The following IPO4 variants were observed in gnomAD, a reference collection of about 807,000 sequenced individuals.
The protein encoded by IPO4 is importin-4.
Under a neutral mutation model 133.5 loss-of-function variants are expected in IPO4, and 91 were observed. The observed-to-expected ratio is 0.68, with a 90% confidence interval of 0.58 to 0.81. The LOEUF (loss-of-function observed/expected upper bound fraction) is 0.81. Among genes scored for constraint, IPO4 ranks in the 30% least tolerant of loss-of-function variants. The pLI is 0.00. For synonymous variants in IPO4, 607 were observed against 581.6 expected (o/e 1.04, Z -0.63); for missense variants, 1,279 against 1,386.2 (o/e 0.92, Z 1.23).
chr14:24,183,858 T>A lies in IPO4; in HGVS notation c.1910A>T (p.Asp637Val). The A allele has an allele frequency of 6.2e-7, 1 of 1,614,040 alleles. No homozygotes were observed. The highest frequency in any genetic ancestry group is 8.5e-7 in the Non-Finnish European group (1 of 1,180,016). ...DGSSSFLLFD[D>V]ESDGEEEEEL... is the part of the protein sequence containing the mutation. ...CTCCTCTTCTTCCCCATCACTCTCA[T>A]CGTCAAACAGAAGGAAGGAGCTGCT... is the stretch of plus-strand genomic sequence containing the variant. Residue 637 changes from aspartate to valine, a missense_variant, in exon 19 of 30, where the codon GAT becomes GTT. Asp to Val is a radical substitution (Grantham distance 152). Around this residue, in one of 3 missense-constraint regions of IPO4, gnomAD observed 575 missense variants for 653.4 expected, o/e 0.88. Coordinates refer to ENST00000354464, the MANE Select transcript of IPO4 (RefSeq NM_024658.4).
At chr14:24,187,851 A>G (rs749076463) in intron 4 of IPO4, 55 bp from the exon 5 acceptor site, 7 of 1,605,280 alleles carry the variant, frequency 4.4e-6, no homozygotes, top group East Asian at 2.2e-5. Flanking sequence ...CTCTGCACAC[A>G]GTGGCCAGGC....
chr14:24,183,344 C>G lies in IPO4; in HGVS notation c.2133G>C (p.Leu711=), dbSNP rs1415432879. The change falls in exon 22 of 30, where the codon CTG becomes CTC. Residue 711 remains leucine (L), a synonymous_variant. Coordinates refer to ENST00000354464, the MANE Select transcript of IPO4 (RefSeq NM_024658.4). ...EVFKLLECPH[L]NVRKAAHEAL... Reference sequence around the variant, plus strand: ...CCTCATGGGCTGCCTTCCGCACATTCAGGTGAGGGCACTGCAGGATGAGGA... The same window carrying G: ...CCTCATGGGCTGCCTTCCGCACATTGAGGTGAGGGCACTGCAGGATGAGGA... 2.5e-6 allele frequency: 4 copies of G among 1,609,878 alleles called. No homozygotes were observed. Among genetic ancestry groups the G allele is most frequent in the Non-Finnish European group, 2.5e-6 (3 of 1,177,906 alleles).
rs536271889 is a variant in IPO4, at chr14:24,181,941, C to T, written c.2807+14G>A. 4.7e-5 allele frequency: 75 copies of T among 1,609,634 alleles called. 2 individuals are homozygous for T. Among genetic ancestry groups the T allele is most frequent in the South Asian group, 2.7e-4 (25 of 91,082 alleles). ...CCAACCTCCAGTCCCTCCCGTCCTG[C>T]GAGCCAAGGATACTCCTGGGCAGGG... On this transcript the variant is annotated intron_variant, in intron 26 of 29. Coordinates refer to ENST00000354464, the MANE Select transcript of IPO4 (RefSeq NM_024658.4).
At position 24,185,277 on chromosome 14, in the gene IPO4, T is replaced by C. The variant is rs201650360; in HGVS notation, c.1314A>G (p.Pro438=). 1.2e-6 allele frequency: 2 copies of C among 1,614,140 alleles called. No homozygotes were observed. The highest frequency in any genetic ancestry group is 1.7e-6 in the Non-Finnish European group (2 of 1,180,032). Residue 438 remains proline, a synonymous_variant, in exon 14 of 30, where the codon CCA becomes CCG. Transcript: ENST00000354464. ...HISSYSREVM[P]LLLAYLKSVP... is the part of the protein sequence containing the mutation. Reference sequence around the variant, plus strand: ...CCGACTTCAAGTAGGCGAGGAGCAGTGGCATTACCTCCCTTGAATAGCTGC... The same window carrying C: ...CCGACTTCAAGTAGGCGAGGAGCAGCGGCATTACCTCCCTTGAATAGCTGC...
At position 24,184,105 on chromosome 14, in the gene IPO4, T is replaced by A; in HGVS notation, c.1762A>T (p.Ser588Cys). ...AGACCCGATAAGGCTGCAAATAGGC[T>A]GTACCTGGTCAAAGCAGGCAGAAGA... ...DDPDLRRCTYSLFAALSGLMG... is the reference protein window; with the variant it reads ...DDPDLRRCTYCLFAALSGLMG... The change falls in exon 18 of 30, where the codon AGC becomes TGC. Residue 588 changes from serine to cysteine, a missense_variant. This residue lies in a region of IPO4 where 575 missense variants were observed against 653.4 expected (regional missense o/e 0.88). Coordinates refer to ENST00000354464, the MANE Select transcript of IPO4 (RefSeq NM_024658.4). The A allele has an allele frequency of 4.3e-6, 7 of 1,612,060 alleles. No homozygotes were observed. The highest frequency in any genetic ancestry group is 5.9e-6 in the Non-Finnish European group (7 of 1,179,586).
intron 4 of IPO4, 120 bp downstream of exon 4, chr14:24,188,096 A>T: frequency 9.2e-7 from 1 of 1,083,028 alleles, no homozygotes; most frequent in Non-Finnish European, 1.4e-6. Flanking sequence ...TAAAATCCTC[A>T]CTCCACCTTG....
intron 18 of IPO4, 26 bp downstream of exon 18, chr14:24,183,972 G>GGGGGGCCC: frequency 2.7e-5 from 42 of 1,572,972 alleles, no homozygotes; most frequent in Non-Finnish European, 3.0e-5. Flanking sequence ...GGCAGGCCTG[G>GGGGGGCCC]CCCAGCCCAC....
In IPO4 at chr14:24,187,635, G is replaced by A. The variant is rs776519840; in HGVS notation, c.408+32C>T. The A allele has an allele frequency of 1.9e-6, 3 of 1,613,700 alleles. No individual in the cohort carries two copies. The East Asian group carries it at 6.7e-5, about 36-fold the overall frequency. ...CTTACAAGGTCTATCCAGCCTCTCAGGCCCTCCCTCCTGCCAACCATGTGA... is the reference window on the plus strand; with the variant it reads ...CTTACAAGGTCTATCCAGCCTCTCAAGCCCTCCCTCCTGCCAACCATGTGA... On this transcript the variant is annotated intron_variant, in intron 5 of 29. Coordinates refer to ENST00000354464, the MANE Select transcript of IPO4 (RefSeq NM_024658.4).
chr14:24,184,448 G>A, intron 16 of IPO4, 30 bp from the exon 17 acceptor site: 1 of 1,593,570 alleles, frequency 6.3e-7, no homozygotes, highest in Non-Finnish European at 8.6e-7. Flanking sequence ...ATTAGCACCA[G>A]GAGGTGGAGG....
rs199754985 is a variant in IPO4 at position 24,183,364 on chromosome 14, T to C, written c.2122-9A>G. Reference sequence around the variant, plus strand: ...ACATTCAGGTGAGGGCACTGCAGGATGAGGAGGGGCGGGATATGTCTGCTA... The same window carrying C: ...ACATTCAGGTGAGGGCACTGCAGGACGAGGAGGGGCGGGATATGTCTGCTA... On this transcript the variant is annotated splice_polypyrimidine_tract_variant and intron_variant, in intron 21 of 29. Coordinates refer to ENST00000354464, the MANE Select transcript of IPO4 (RefSeq NM_024658.4). 473 of 1,604,632 alleles carry C rather than the reference T, an allele frequency of 2.9e-4. 2 individuals are homozygous for C. The highest frequency in any genetic ancestry group is 2.9e-3 in the African/African-American group (216 of 74,932).
rs1176497652 is a variant in IPO4, at chr14:24,187,092, A to G, written c.647T>C (p.Ile216Thr). Residue 216 changes from isoleucine (I) to threonine (T), a missense_variant, in exon 7 of 30, where the codon ATA becomes ACA. Physicochemically the swap from Ile to Thr is moderately conservative, Grantham distance 89. Coordinates refer to ENST00000354464, the MANE Select transcript of IPO4 (RefSeq NM_024658.4). ...LIMAMQTLIP[I>T]DEAKACEALE... is the part of the protein sequence containing the mutation. ...CTGCCCACCTGTCCTCACCTCATCT[A>G]TGGGGATCAGAGTCTGCATGGCCAT... 6.2e-7 allele frequency: 1 copy of G among 1,613,880 alleles called. No homozygotes were observed. Among genetic ancestry groups the G allele is most frequent in the African/African-American group, 1.3e-5 (1 of 74,892 alleles).
rs770059939 is a variant in IPO4, at chr14:24,181,958, T to A, written c.2804A>T (p.Gln935Leu). ...CCGTCCTGCGAGCCAAGGATACTCC[T>A]GGGCAGGGTGGCCCCCATGCTCTGC... ...VLAEHGGHPA[Q>L]EHFPKLLGLL... The change falls in exon 26 of 30, where the codon CAG becomes CTG. Residue 935 changes from glutamine (Q) to leucine (L), a missense_variant. Coordinates refer to ENST00000354464, the MANE Select transcript of IPO4 (RefSeq NM_024658.4). 6.2e-7 allele frequency: 1 copy of A among 1,610,884 alleles called. No homozygotes were observed. Among genetic ancestry groups the A allele is most frequent in the East Asian group, 2.2e-5 (1 of 44,870 alleles).
chr14:24,188,469 T>A, intron 2 of IPO4, 46 bp from the exon 3 acceptor site: 1 of 1,609,158 alleles, frequency 6.2e-7, no homozygotes. Context: ...AGGAAGGTGC[T>A]GAGCGGACCG....
Position 24,184,751 on chromosome 14 carries a change from T to C in IPO4, c.1535A>G (p.Gln512Arg), listed in dbSNP as rs373992845. The part of the protein sequence containing the change: ...SALGAIATAA[Q>R]ASLLPYFPAI... Reference sequence around the variant, plus strand: ...AGGGAAGTAGGGCAGCAGCGAGGCCTGGGCAGCCGTAGCTGCAGGATGGAA... The same window carrying C: ...AGGGAAGTAGGGCAGCAGCGAGGCCCGGGCAGCCGTAGCTGCAGGATGGAA... Residue 512 changes from glutamine (Q) to arginine (R), a missense_variant, in exon 16 of 30, where the codon CAG becomes CGG. Physicochemically the swap from Gln to Arg is conservative, Grantham distance 43 (BLOSUM62 1). Coordinates refer to ENST00000354464, the MANE Select transcript of IPO4 (RefSeq NM_024658.4). 272 of 1,611,908 alleles carry C rather than the reference T, an allele frequency of 1.7e-4. 1 individual carries two copies. In the African/African-American group the frequency reaches 3.3e-3, roughly 20 times the overall value.
intron 14 of IPO4, 56 bp from the exon 15 acceptor site, chr14:24,185,036 A>G: frequency 6.3e-7 from 1 of 1,590,720 alleles, no homozygotes; most frequent in Non-Finnish European, 8.6e-7. Context: ...CTGCACGCCC[A>G]CCTCCCTCCA....
In IPO4 at chr14:24,181,706, C is replaced by T. The variant is rs1261113900; in HGVS notation, c.2940+5G>A. ...CAAGCCCTGCCTGATGTCTCCCTCC[C>T]TCACCTGGGGCTCTGGTTTCCTGGT... On this transcript the variant is annotated splice_donor_5th_base_variant and intron_variant, in intron 27 of 29. Transcript: ENST00000354464. The T allele has an allele frequency of 6.2e-7, 1 of 1,605,468 alleles. No homozygotes were observed. Among genetic ancestry groups the T allele is most frequent in the Non-Finnish European group, 8.5e-7 (1 of 1,174,576 alleles).
In IPO4 at chr14:24,182,180, G is replaced by A. The variant is rs780827054; in HGVS notation, c.2599-17C>T. The A allele has an allele frequency of 1.9e-6, 3 of 1,614,124 alleles. No individual in the cohort carries two copies. Among genetic ancestry groups the A allele is most frequent in the South Asian group, 2.2e-5 (2 of 91,086 alleles). ...GCCCTGTTTCTGATGGGGGAGAACA[G>A]GAAGGAGTACAGATCAGCCTGGGCC... On this transcript the variant is annotated splice_polypyrimidine_tract_variant and intron_variant, in intron 25 of 29. Transcript: ENST00000354464.
rs2039177812 is a variant in IPO4 at position 24,183,826 on chromosome 14, T to C, written c.1942A>G (p.Met648Val). The change falls in exon 19 of 30, where the codon ATG (methionine) becomes GTG (valine). Residue 648 changes from methionine (M) to valine (V), a missense_variant. This residue lies in a region of IPO4 where 575 missense variants were observed against 653.4 expected (regional missense o/e 0.88). Transcript: ENST00000354464. Reference protein sequence around the residue: ...ESDGEEEEELMDEDVEEEDDS... With the variant: ...ESDGEEEEELVDEDVEEEDDS... ...TCCTCTTCTTCCACATCCTCATCCA[T>C]GAGCTCCTCCTCTTCTTCCCCATCA... is the stretch of plus-strand genomic sequence containing the variant. 2 of 1,613,942 alleles carry C rather than the reference T, an allele frequency of 1.2e-6. No individual in the cohort carries two copies.
Position 24,187,563 on chromosome 14 carries a change from A to G in IPO4, c.425T>C (p.Leu142Pro). 4.3e-6 allele frequency: 7 copies of G among 1,614,184 alleles called. No homozygotes were observed. Among genetic ancestry groups the G allele is most frequent in the Non-Finnish European group, 5.9e-6 (7 of 1,180,040 alleles). ...SPEREMGLLL[L>P]SVVVTSRPEA... is the part of the protein sequence containing the mutation. ...GGGCCGGGAGGTCACCACCACACTTAGCAGCAAAAGCCCCATCTGTCCAAG... is the reference window on the plus strand; with the variant it reads ...GGGCCGGGAGGTCACCACCACACTTGGCAGCAAAAGCCCCATCTGTCCAAG... Residue 142 changes from leucine (L) to proline (P), a missense_variant, in exon 6 of 30, where the codon CTA becomes CCA. Around this residue, in one of 3 missense-constraint regions of IPO4, gnomAD observed 695 missense variants for 704.1 expected, o/e 0.99. Transcript: ENST00000354464.
Sources: gnomAD v4.1 joint callset for allele counts on GRCh38, gnomAD v4.1.1 for gene constraint, gnomAD v4.1.1 regional missense constraint, MANE v1.5 for transcripts, NCBI Gene and HGNC (gene_info 2026-07-23, HGNC 2026-07-21) for gene names.